PIP5K1B: variants seen among roughly 807,000 people sequenced by gnomAD.
PIP5K1B encodes the protein phosphatidylinositol-4-phosphate 5-kinase type 1 beta.
PIP5K1B carries 42 observed loss-of-function variants against 67.0 expected under a neutral mutation model. The ratio of observed to expected loss-of-function variants is 0.63; its 90% CI spans 0.49 to 0.81. The LOEUF (loss-of-function observed/expected upper bound fraction) is 0.81, where lower values mean the gene tolerates loss of function less well. PIP5K1B is among the 30% of genes least tolerant of loss of function. The pLI is 0.00. For missense variants in PIP5K1B, 459 were observed against 646.3 expected (o/e 0.71, Z 3.14); for synonymous variants, 214 against 231.4 (o/e 0.92, Z 0.68).
intron 15 of PIP5K1B, among the ~76,000 whole-genome samples, chr9:69,007,075 C>A (rs1321086676): frequency 1.3e-5 from 2 of 152,302 alleles, no homozygotes; most frequent in East Asian, 3.9e-4. Flanking sequence ...AACAGCGTGA[C>A]CATGTTGTGC....
chr9:68,973,799 C>T (rs1298816360), intron 14 of PIP5K1B, among the ~76,000 whole-genome samples: 2 of 152,232 alleles, frequency 1.3e-5, no homozygotes, highest in Non-Finnish European at 2.9e-5. Context: ...CCCCTACAGA[C>T]AGTCTAAACA....
At chr9:68,907,145 C>T (rs1171448697) in intron 8 of PIP5K1B, among the ~76,000 whole-genome samples, 1 of 152,118 alleles carries the variant, frequency 6.6e-6, no homozygotes, top group African/African-American at 2.4e-5. Context: ...AGACAGTCAC[C>T]CCTCCAGTTA....
intron 5 of PIP5K1B, 24 bp from the exon 6 acceptor site, chr9:68,876,653 C>T: frequency 7.9e-7 from 1 of 1,264,054 alleles, no homozygotes; most frequent in Non-Finnish European, 1.2e-6. Context: ...TTCTTTCTCT[C>T]TCTTTTTAAT....
intron 15 of PIP5K1B, among the ~76,000 whole-genome samples, chr9:69,007,737 G>A (rs757009872): frequency 6.6e-6 from 1 of 152,004 alleles, no homozygotes; most frequent in Non-Finnish European, 1.5e-5. Flanking sequence ...GGCAGCTGTA[G>A]TCCCAGCTAC....
At chr9:68,992,038 T>C (rs1587773544) in intron 15 of PIP5K1B, among the ~76,000 whole-genome samples, 1 of 152,148 alleles carries the variant, frequency 6.6e-6, no homozygotes, top group African/African-American at 2.4e-5. Flanking sequence ...CGATCTCGGC[T>C]CACCGCAACC....
chr9:68,875,295 CAAAAAAAAAAAAAAAAAAA>C (rs147022066), intron 5 of PIP5K1B, among the ~76,000 whole-genome samples: 1 of 44,844 alleles, frequency 2.2e-5, no homozygotes, highest in African/African-American at 9.8e-5. Flanking sequence ...TGGTACTCAG[CAAAAAAAAAAAAAAAAAAA>C]AAAAAAAAAA....
At chr9:68,713,134 C>T (rs1827470086) in intron 1 of PIP5K1B, among the ~76,000 whole-genome samples, 1 of 152,196 alleles carries the variant, frequency 6.6e-6, no homozygotes, top group African/African-American at 2.4e-5. Context: ...CGCGGTGGCT[C>T]ACAACTATAA....
chr9:68,763,417 C>T (rs1830275439), intron 2 of PIP5K1B, among the ~76,000 whole-genome samples: 1 of 151,980 alleles, frequency 6.6e-6, no homozygotes, highest in Non-Finnish European at 1.5e-5. Flanking sequence ...AATGAGATAT[C>T]ATCAGTAAAA....
chr9:68,810,882 C>A (rs867021425), intron 2 of PIP5K1B, among the ~76,000 whole-genome samples: 4 of 152,038 alleles, frequency 2.6e-5, no homozygotes, highest in Admixed American at 6.6e-5. Flanking sequence ...TTGAAAAATG[C>A]GGTGCAATAT....
intron 2 of PIP5K1B, among the ~76,000 whole-genome samples, chr9:68,757,198 A>G (rs1537885): frequency 0.27 from 41,748 of 152,142 alleles, 6,004 homozygotes; most frequent in Admixed American, 0.33. Flanking sequence ...TGTCAGTTAC[A>G]GGCTTATCAA....
chr9:68,775,894 G>T (rs1411232251), intron 2 of PIP5K1B, among the ~76,000 whole-genome samples: 1 of 152,010 alleles, frequency 6.6e-6, no homozygotes, highest in Non-Finnish European at 1.5e-5. Flanking sequence ...ACTGTTTATG[G>T]TTGTTTGAGT....
chr9:68,849,793 G>A (rs1393863493), intron 4 of PIP5K1B, among the ~76,000 whole-genome samples: 4 of 152,178 alleles, frequency 2.6e-5, no homozygotes. Flanking sequence ...GGGCACATTG[G>A]TGTTTTACTT....
intron 1 of PIP5K1B, among the ~76,000 whole-genome samples, chr9:68,708,958 A>G (rs1271907819): frequency 6.6e-6 from 1 of 152,216 alleles, no homozygotes; most frequent in Non-Finnish European, 1.5e-5. Context: ...TATGGGTAAG[A>G]AAACTAAAAC....
chr9:68,792,819 G>A (rs1832057636), intron 2 of PIP5K1B, among the ~76,000 whole-genome samples: 1 of 152,166 alleles, frequency 6.6e-6, no homozygotes, highest in African/African-American at 2.4e-5. Context: ...AAGATTCTTA[G>A]TGGAACAAGT....
chr9:68,766,977 C>T (rs916169406), intron 2 of PIP5K1B, among the ~76,000 whole-genome samples: 1 of 152,130 alleles, frequency 6.6e-6, no homozygotes, highest in African/African-American at 2.4e-5. Context: ...TGCAGGCCCC[C>T]AGATAGCCCA....
At chr9:68,968,380 T>A (rs1487466001) in intron 14 of PIP5K1B, among the ~76,000 whole-genome samples, 1 of 151,612 alleles carries the variant, frequency 6.6e-6, no homozygotes, top group Non-Finnish European at 1.5e-5. Context: ...ATTAGCCAGG[T>A]GTGGTGGTGC....
At chr9:68,830,504 C>T (rs756103316) in intron 4 of PIP5K1B, among the ~76,000 whole-genome samples, 1 of 152,216 alleles carries the variant, frequency 6.6e-6, no homozygotes, top group Non-Finnish European at 1.5e-5. Context: ...TTTCAGCATT[C>T]GCTTTGGAGG....
chr9:68,822,327 T>TAAA, intron 3 of PIP5K1B: 1 of 208,196 alleles, frequency 4.8e-6, no homozygotes. Context: ...ACCCCATCTC[T>TAAA]AAAAAAAAAA....
At chr9:68,723,312 T>C (rs570238169) in intron 1 of PIP5K1B, among the ~76,000 whole-genome samples, 5 of 152,342 alleles carry the variant, frequency 3.3e-5, no homozygotes, top group African/African-American at 1.2e-4. Context: ...GGAGTGCAGA[T>C]ATCTCTTTGA....
Sources: allele counts gnomAD v4.1 joint callset (sites outside exome capture counted in the v4.1 genomes callset), GRCh38; gene constraint gnomAD v4.1.1; transcripts MANE v1.5; gene names NCBI Gene and HGNC (gene_info 2026-07-23, HGNC 2026-07-21).